ZHX2: variants seen among roughly 807,000 people sequenced by gnomAD.
ZHX2 encodes the protein zinc fingers and homeoboxes 2, also known as zinc fingers and homeoboxes protein 2.
In ZHX2, 6 loss-of-function variants were observed where a neutral mutation model predicts 21.9. The observed-to-expected ratio is 0.27, with a 90% confidence interval of 0.15 to 0.54. ZHX2 has a LOEUF of 0.54. Among genes scored for constraint, ZHX2 ranks in the 20% least tolerant of loss-of-function variants. The pLI, the probability that ZHX2 is intolerant of heterozygous loss-of-function variation, is 0.95. For synonymous variants in ZHX2, 434 were observed against 437.1 expected, an observed-to-expected ratio of 0.99 and a Z score of 0.09; for missense variants, 908 against 1,090.7, an observed-to-expected ratio of 0.83 and a Z score of 2.36.
intron 2 of ZHX2, among the ~76,000 whole-genome samples, chr8:122,911,980 C>T (rs1216281749): frequency 2.0e-5 from 3 of 152,078 alleles, no homozygotes; most frequent in Admixed American, 2.0e-4. Context: ...GAGCAGCTGC[C>T]CCCTGGAATC....
At chr8:122,841,939 C>A (rs1006444999) in intron 1 of ZHX2, among the ~76,000 whole-genome samples, 2 of 152,202 alleles carry the variant, frequency 1.3e-5, no homozygotes, top group African/African-American at 4.8e-5. Context: ...TATGAAGACT[C>A]CAAGTCCTCC....
At chr8:122,859,004 C>G (rs1051953745) in intron 1 of ZHX2, among the ~76,000 whole-genome samples, 1 of 152,202 alleles carries the variant, frequency 6.6e-6, no homozygotes, top group East Asian at 1.9e-4. Flanking sequence ...AGGCTCCACT[C>G]GGCATGCACT....
At chr8:122,868,780 A>G (rs1479112573) in intron 2 of ZHX2, among the ~76,000 whole-genome samples, 2 of 151,920 alleles carry the variant, frequency 1.3e-5, no homozygotes, top group Non-Finnish European at 2.9e-5. Flanking sequence ...GGATTGCATG[A>G]GACAAGAAGA....
rs1813216709 is a variant in ZHX2, at chr8:122,953,814, C to A, written c.2304C>A (p.Thr768=). The A allele has an allele frequency of 1.2e-6, 2 of 1,614,248 alleles. No individual in the cohort carries two copies. The highest frequency in any genetic ancestry group is 3.3e-5 in the Admixed American group (2 of 60,032). The change falls in exon 3 of 4, where the codon ACC becomes ACA. Residue 768 remains threonine, a synonymous_variant. Coordinates refer to ENST00000314393, the MANE Select transcript of ZHX2 (RefSeq NM_014943.5). The surrounding 1 kb of genome is among the most constrained non-coding windows in gnomAD (Gnocchi z 4.6). The part of the protein sequence containing the change: ...DCLPAKPSEA[T]SDRSEGSSRD... ...TGCCAGCAAAGCCCTCAGAGGCCAC[C>A]TCAGACCGGTCAGAGGGCAGCAGCC...
At chr8:122,822,643 C>G (rs116456332) in intron 1 of ZHX2, among the ~76,000 whole-genome samples, 13 of 152,314 alleles carry the variant, frequency 8.5e-5, no homozygotes, top group African/African-American at 3.1e-4. Flanking sequence ...CTCATCTCCC[C>G]ACTCCTGGGA....
At position 122,863,990 on chromosome 8, in the gene ZHX2, G is replaced by T. The variant is rs2130779523; in HGVS notation, c.-220+451G>T. On this transcript the variant is annotated intron_variant, in intron 2 of 3. Coordinates refer to ENST00000314393, the MANE Select transcript of ZHX2 (RefSeq NM_014943.5). ...TTGCACATTTGAAAAACTGTCATGA[G>T]CAGGGCAGAGGTGGGCAGCTGTTGA... 1.3e-5 allele frequency among the ~76,000 whole-genome samples: 2 copies of T among 152,130 alleles called. 1 individual carries two copies. Among genetic ancestry groups the T allele is most frequent in the South Asian group, 4.2e-4 (2 of 4,818 alleles).
chr8:122,828,736 A>C lies in ZHX2; in HGVS notation c.-282-34741A>C, dbSNP rs555020024. Among the ~76,000 whole-genome samples, 5 of 152,202 alleles carry C rather than the reference A, an allele frequency of 3.3e-5. No individual in the cohort carries two copies. Among genetic ancestry groups the C allele is most frequent in the Non-Finnish European group, 5.9e-5 (4 of 68,034 alleles). On this transcript the variant is annotated intron_variant, in intron 1 of 3. Transcript: ENST00000314393. This position sits in a 1 kb window ranked among gnomAD's most constrained non-coding sequence, Gnocchi z 5.2. ...TGTGTTCCCACGCTTCGCAGGGCTG[A>C]TGGATCGTGCCTGCAAAGGGGTTCT... is the stretch of plus-strand genomic sequence containing the variant.
chr8:122,915,840 A>C (rs10090969), intron 2 of ZHX2, among the ~76,000 whole-genome samples: 6 of 152,230 alleles, frequency 3.9e-5, no homozygotes, highest in African/African-American at 1.4e-4. Context: ...CAGTGGTCTG[A>C]AGACCAAAGA....
chr8:122,933,553 C>T (rs543549031), intron 2 of ZHX2, among the ~76,000 whole-genome samples: 2 of 151,690 alleles, frequency 1.3e-5, no homozygotes, highest in Admixed American at 6.6e-5. Flanking sequence ...TCTTTCCACA[C>T]GGAGAAAGAA....
At chr8:122,826,147 C>G (rs1337517519) in intron 1 of ZHX2, among the ~76,000 whole-genome samples, 2 of 152,208 alleles carry the variant, frequency 1.3e-5, no homozygotes, top group African/African-American at 4.8e-5. Flanking sequence ...TCGCCTTGCT[C>G]CATTCCCACC....
intron 2 of ZHX2, among the ~76,000 whole-genome samples, chr8:122,906,370 A>T (rs1026004803): frequency 2.0e-5 from 3 of 152,226 alleles, no homozygotes; most frequent in Non-Finnish European, 4.4e-5. Flanking sequence ...GTCCATCAGT[A>T]GGGGAATGGC....
chr8:122,887,134 C>T (rs1253077215), intron 2 of ZHX2, among the ~76,000 whole-genome samples: 2 of 148,838 alleles, frequency 1.3e-5, no homozygotes, highest in African/African-American at 5.0e-5. Context: ...GTGTGAAGTG[C>T]ATGAGTGGGA....
rs566814612 is a variant in ZHX2, at chr8:122,971,737, A to T, written c.*5-1505A>T. ...AGATCTGAAAAACTTCTAGCCTGTC[A>T]TGGAATACTGGCTGTGTCCTCTAGA... is the stretch of plus-strand genomic sequence containing the variant. On this transcript the variant is annotated intron_variant, in intron 3 of 3. Transcript: ENST00000314393. Among the ~76,000 whole-genome samples the T allele has an allele frequency of 7.9e-5, 12 of 152,142 alleles. No individual in the cohort carries two copies. The Middle Eastern group carries it at 0.01, about 129-fold the overall frequency.
chr8:122,859,554 GAGA>G (rs796683439), intron 1 of ZHX2, among the ~76,000 whole-genome samples: 27 of 152,262 alleles, frequency 1.8e-4, no homozygotes, highest in Admixed American at 1.0e-3. Context: ...TTCAAGAAAG[GAGA>G]AGAAGGCAGT....
intron 2 of ZHX2, among the ~76,000 whole-genome samples, chr8:122,903,788 T>A (rs766404574): frequency 2.0e-5 from 3 of 152,028 alleles, no homozygotes. Flanking sequence ...GGTAGATAGA[T>A]GTATACAGGG....
chr8:122,797,139 TA>T (rs1472835260), intron 1 of ZHX2, among the ~76,000 whole-genome samples: 3 of 152,192 alleles, frequency 2.0e-5, no homozygotes, highest in Non-Finnish European at 4.4e-5. Context: ...CAGTGACAGG[TA>T]AACCCCAATA....
At chr8:122,839,974 C>T (rs1024075279) in intron 1 of ZHX2, among the ~76,000 whole-genome samples, 1 of 152,128 alleles carries the variant, frequency 6.6e-6, no homozygotes, top group Non-Finnish European at 1.5e-5. Context: ...TGGCACTTCA[C>T]TGCCTGAAGG....
At chr8:122,843,988 CACAT>C (rs146097119) in intron 1 of ZHX2, among the ~76,000 whole-genome samples, 1 of 145,074 alleles carries the variant, frequency 6.9e-6, no homozygotes, top group Non-Finnish European at 1.5e-5. Context: ...CACACACACA[CACAT>C]CATGCTTCTG....
chr8:122,794,179 A>G (rs879525866), intron 1 of ZHX2, among the ~76,000 whole-genome samples: 5 of 152,182 alleles, frequency 3.3e-5, no homozygotes, highest in Admixed American at 3.3e-4. Context: ...AAGAAAAGAG[A>G]GTCTGGGTGT....
Sources: gnomAD v4.1 joint callset for allele counts (sites outside exome capture counted in the v4.1 genomes callset) on GRCh38, gnomAD v4.1.1 for gene constraint, Gnocchi (gnomAD v3.1) non-coding constraint, MANE v1.5 for transcripts, NCBI Gene and HGNC (gene_info 2026-07-23, HGNC 2026-07-21) for gene names.